Variants in ACCSL observed in about 807,000 individuals in gnomAD.
The protein encoded by ACCSL is probable inactive 1-aminocyclopropane-1-carboxylate synthase-like protein 2.
Under a neutral mutation model 61.7 loss-of-function variants are expected in ACCSL, and 55 were observed. The observed-to-expected ratio is 0.89, with a 90% CI of 0.72 to 1.12. ACCSL has a LOEUF of 1.12. ACCSL is among the 50% of genes most tolerant of loss of function. The pLI is 0.00. For synonymous variants in ACCSL, 258 were observed against 264.3 expected, an observed-to-expected ratio of 0.98 and a Z score of 0.23; for missense variants, 632 against 698.0, an observed-to-expected ratio of 0.91 and a Z score of 1.07.
chr11:44,013,558 G>T, the ACCSL span, among the ~76,000 whole-genome samples: 1 of 152,236 alleles, frequency 6.6e-6, no homozygotes, highest in Non-Finnish European at 1.5e-5. Context: ...CTCCCAAAGT[G>T]CTGGGATTAC....
intron 11 of ACCSL, among the ~76,000 whole-genome samples, chr11:44,056,892 G>A (rs1485240989): frequency 6.6e-6 from 1 of 152,202 alleles, no homozygotes; most frequent in African/African-American, 2.4e-5. Flanking sequence ...GGTAGCTTGT[G>A]TTCTACCCAG....
chr11:44,052,848 C>T, intron 6 of ACCSL, 89 bp downstream of exon 6: 3 of 1,480,262 alleles, frequency 2.0e-6, no homozygotes, highest in Non-Finnish European at 2.8e-6. Flanking sequence ...TTGCTTTCTA[C>T]CCATCTAAGT....
At chr11:43,984,371 C>T in the ACCSL span, among the ~76,000 whole-genome samples, 386 of 152,280 alleles carry the variant, frequency 2.5e-3, 3 homozygotes, top group African/African-American at 8.9e-3. Context: ...TTTACTTAGA[C>T]TTGTTTCAAA....
At chr11:43,953,837 GTC>G in the ACCSL span, among the ~76,000 whole-genome samples, 937 of 152,204 alleles carry the variant, frequency 6.2e-3, 14 homozygotes, top group African/African-American at 0.021. Flanking sequence ...CAAACCATAG[GTC>G]GCTCTGCCTA....
chr11:44,012,151 G>C, the ACCSL span, among the ~76,000 whole-genome samples: 1 of 152,054 alleles, frequency 6.6e-6, no homozygotes, highest in Non-Finnish European at 1.5e-5. Context: ...GTGGTCAGTG[G>C]GGCTAGTGTT....
chr11:43,936,505 G>A, the ACCSL span, among the ~76,000 whole-genome samples: 1 of 145,684 alleles, frequency 6.9e-6, no homozygotes, highest in Non-Finnish European at 1.5e-5. Flanking sequence ...CAGGGGCATT[G>A]CTTCTACACA....
the ACCSL span, among the ~76,000 whole-genome samples, chr11:43,996,752 G>GGC: frequency 6.6e-6 from 1 of 151,974 alleles, no homozygotes; most frequent in South Asian, 2.1e-4. Flanking sequence ...ACTCAGCTGG[G>GGC]ACAGCTTTGA....
chr11:44,058,940 A>G (rs137960987), intron 13 of ACCSL, among the ~76,000 whole-genome samples: 1 of 152,252 alleles, frequency 6.6e-6, no homozygotes, highest in Admixed American at 6.5e-5. Context: ...TGGGACCACA[A>G]GCTAAAAAGT....
At chr11:43,943,475 A>G in the ACCSL span, 2 of 1,403,732 alleles carry the variant, frequency 1.4e-6, no homozygotes, top group Non-Finnish European at 1.9e-6. The surrounding 1 kb of genome is among the most constrained non-coding windows in gnomAD (Gnocchi z 4.8). Context: ...GAGCGCCGGG[A>G]GCGGGGCCGC....
chr11:43,947,488 T>TGGGCC, the ACCSL span, among the ~76,000 whole-genome samples: 2,147 of 152,040 alleles, frequency 0.014, 31 homozygotes, highest in East Asian at 0.048. Flanking sequence ...CCGGCTGGGC[T>TGGGCC]GGGCCAGATA....
chr11:43,944,473 T>G, the ACCSL span: 12 of 153,664 alleles, frequency 7.8e-5, no homozygotes, highest in African/African-American at 2.7e-4. Context: ...GCGGCCGCTA[T>G]GTCTCCAGCC....
At chr11:44,029,578 G>A in the ACCSL span, among the ~76,000 whole-genome samples, 1 of 152,178 alleles carries the variant, frequency 6.6e-6, no homozygotes, top group African/African-American at 2.4e-5. Flanking sequence ...ATTGGGAGTT[G>A]GCACACTTGC....
the ACCSL span, among the ~76,000 whole-genome samples, chr11:43,972,727 G>A: frequency 6.6e-6 from 1 of 152,160 alleles, no homozygotes; most frequent in African/African-American, 2.4e-5. Context: ...TACCAATAAG[G>A]CCAAGAAGAG....
At chr11:44,042,328 C>T in the ACCSL span, among the ~76,000 whole-genome samples, 11,965 of 152,150 alleles carry the variant, frequency 0.079, 485 homozygotes, top group Non-Finnish European at 0.091. Flanking sequence ...TCCATGGGAA[C>T]TGATTTGTTC....
the ACCSL span, among the ~76,000 whole-genome samples, chr11:44,028,007 T>G: frequency 1.3e-5 from 2 of 152,050 alleles, no homozygotes; most frequent in African/African-American, 4.8e-5. Flanking sequence ...TCTACAAGTC[T>G]TCTCAAAAAA....
At chr11:43,945,416 C>T in the ACCSL span, 1 of 152,242 alleles carries the variant, frequency 6.6e-6, no homozygotes, top group Non-Finnish European at 1.5e-5. Context: ...CTCTCTCTGT[C>T]TTACCTCTTC....
At chr11:44,024,306 C>A in the ACCSL span, among the ~76,000 whole-genome samples, 1 of 152,132 alleles carries the variant, frequency 6.6e-6, no homozygotes, top group South Asian at 2.1e-4. Flanking sequence ...GGAACTATAC[C>A]TCCAGCTTTC....
the ACCSL span, among the ~76,000 whole-genome samples, chr11:44,020,525 T>G: frequency 6.6e-6 from 1 of 152,228 alleles, no homozygotes; most frequent in Admixed American, 6.5e-5. Context: ...GTTTTTATCA[T>G]GAAAGAGTGT....
the ACCSL span, among the ~76,000 whole-genome samples, chr11:44,035,339 T>C: frequency 6.6e-6 from 1 of 152,104 alleles, no homozygotes; most frequent in South Asian, 2.1e-4. Context: ...CAATAAATAC[T>C]TGTTGAGTGA....
Sources: allele counts gnomAD v4.1 joint callset (sites outside exome capture counted in the v4.1 genomes callset), GRCh38; gene constraint gnomAD v4.1.1; non-coding constraint Gnocchi (gnomAD v3.1); transcripts MANE v1.5; gene names NCBI Gene and HGNC (gene_info 2026-07-23, HGNC 2026-07-21).